COL5A2: variants seen among roughly 807,000 people sequenced by gnomAD.
COL5A2 encodes collagen type V alpha 2 chain.
Under a neutral mutation model 208.2 loss-of-function variants are expected in COL5A2, and 23 were observed. That is an observed-to-expected ratio of 0.11 (90% CI 0.08 to 0.16). The LOEUF is 0.16. COL5A2 is among the 10% of genes least tolerant of loss of function. The pLI is 1.00. For missense variants in COL5A2, 1,590 were observed against 1,956.4 expected (o/e 0.81, Z 3.53); for synonymous variants, 625 against 628.5 (o/e 0.99, Z 0.08).
At chr2:189,412,411 C>A in the COL5A2 span, among the ~76,000 whole-genome samples, 1 of 152,162 alleles carries the variant, frequency 6.6e-6, no homozygotes, top group Non-Finnish European at 1.5e-5. Context: ...AAGAAATACT[C>A]ATTCTATAAC....
chr2:189,377,952 G>A, the COL5A2 span, among the ~76,000 whole-genome samples: 133 of 152,258 alleles, frequency 8.7e-4, no homozygotes, highest in Non-Finnish European at 1.5e-3. Context: ...CAGCTGACCC[G>A]TTTTTAAGGG....
chr2:189,221,315 TA>T (rs1689345606), intron 1 of COL5A2, among the ~76,000 whole-genome samples: 1 of 152,216 alleles, frequency 6.6e-6, no homozygotes, highest in African/African-American at 2.4e-5. Flanking sequence ...GTCTAATGGT[TA>T]TCTTAAATAG....
the COL5A2 span, among the ~76,000 whole-genome samples, chr2:189,251,254 G>T: frequency 3.0e-4 from 46 of 152,264 alleles, no homozygotes; most frequent in African/African-American, 1.1e-3. Flanking sequence ...AGGAGAGAGT[G>T]CCAGTGTGTA....
At chr2:189,299,466 A>C in the COL5A2 span, among the ~76,000 whole-genome samples, 1 of 152,202 alleles carries the variant, frequency 6.6e-6, no homozygotes, top group South Asian at 2.1e-4. Flanking sequence ...AAGAAGAAGA[A>C]CTGCTGAGAT....
rs371620905 is a variant in COL5A2 at position 189,144,284 on chromosome 2, T to C, written c.98-33835A>G. On this transcript the variant is annotated intron_variant, in intron 1 of 53. Coordinates refer to ENST00000374866, the MANE Select transcript of COL5A2 (RefSeq NM_000393.5). ...TTGACACACAGTTTCAGTAAACAAG[T>C]ACATAGTTGGGTATTTGCTTAGTTT... is the stretch of plus-strand genomic sequence containing the variant. Among the ~76,000 whole-genome samples the C allele has an allele frequency of 7.2e-5, 11 of 152,288 alleles. No homozygotes were observed. The South Asian group carries it at 1.2e-3, about 17-fold the overall frequency.
rs945495064 is a variant in COL5A2, at chr2:189,122,527, A to G, written c.98-12078T>C. ...CTCTTCCACTAGGAAAGTTTTAACGACATGCCCACATGGAATTTGGTCATT... is the reference window on the plus strand; with the variant it reads ...CTCTTCCACTAGGAAAGTTTTAACGGCATGCCCACATGGAATTTGGTCATT... On this transcript the variant is annotated intron_variant, in intron 1 of 53. Transcript: ENST00000374866. Among the ~76,000 whole-genome samples, 6 of 152,340 alleles carry G rather than the reference A, an allele frequency of 3.9e-5. No individual in the cohort carries two copies. The East Asian group carries it at 1.2e-3, about 29-fold the overall frequency.
At chr2:189,144,844 G>C (rs888607690) in intron 1 of COL5A2, among the ~76,000 whole-genome samples, 3 of 152,140 alleles carry the variant, frequency 2.0e-5, no homozygotes, top group African/African-American at 7.2e-5. Context: ...AGTGGGAACA[G>C]ATGCTTCATA....
rs574210875 is a variant in COL5A2 at position 189,105,508 on chromosome 2, C to T, written c.323-1231G>A. Among the ~76,000 whole-genome samples the T allele has an allele frequency of 3.7e-4, 56 of 151,008 alleles. No homozygotes were observed. The South Asian group carries it at 0.011, about 30-fold the overall frequency. On this transcript the variant is annotated intron_variant, in intron 2 of 53. Coordinates refer to ENST00000374866, the MANE Select transcript of COL5A2 (RefSeq NM_000393.5). The stretch of plus-strand genomic sequence containing the variant: ...GAAAAATCATTTGTATTTCCTTGTT[C>T]GAATGATTAGCTAATTTCCCTTGCC...
chr2:189,151,067 T>G lies in COL5A2; in HGVS notation c.97+28441A>C, dbSNP rs994415349. On this transcript the variant is annotated intron_variant, in intron 1 of 53. Coordinates refer to ENST00000374866, the MANE Select transcript of COL5A2 (RefSeq NM_000393.5). ...GGATTACCTGGCAGCCAAAATTGGCTTATTATTCTTTCTACCATAAGGAGC... is the reference window on the plus strand; with the variant it reads ...GGATTACCTGGCAGCCAAAATTGGCGTATTATTCTTTCTACCATAAGGAGC... 8.5e-5 allele frequency among the ~76,000 whole-genome samples: 13 copies of G among 152,164 alleles called. 1 individual carries two copies. The highest frequency in any genetic ancestry group is 3.1e-4 in the African/African-American group (13 of 41,452).
chr2:189,174,932 A>C (rs944483837), intron 1 of COL5A2, among the ~76,000 whole-genome samples: 5 of 152,218 alleles, frequency 3.3e-5, no homozygotes, highest in African/African-American at 1.2e-4. Flanking sequence ...AAGCAAAGAA[A>C]ATGTAGCCTA....
the COL5A2 span, among the ~76,000 whole-genome samples, chr2:189,237,686 A>C: frequency 6.6e-6 from 1 of 151,926 alleles, no homozygotes; most frequent in Non-Finnish European, 1.5e-5. Context: ...CTATAGACCA[A>C]ACAAATTTGC....
intron 1 of COL5A2, among the ~76,000 whole-genome samples, chr2:189,155,704 T>C (rs1199636889): frequency 6.6e-6 from 1 of 152,164 alleles, no homozygotes; most frequent in African/African-American, 2.4e-5. Flanking sequence ...TTATTATCTT[T>C]TATTTCTCTG....
At chr2:189,288,149 G>GA in the COL5A2 span, among the ~76,000 whole-genome samples, 4 of 151,914 alleles carry the variant, frequency 2.6e-5, no homozygotes, top group Non-Finnish European at 4.4e-5. Flanking sequence ...GTCAAAGCCA[G>GA]AAAAAAAAGA....
At chr2:189,403,317 C>T in the COL5A2 span, among the ~76,000 whole-genome samples, 4 of 152,270 alleles carry the variant, frequency 2.6e-5, no homozygotes, top group Admixed American at 1.3e-4. Flanking sequence ...TGGGTTGAGA[C>T]GTGGGCTTTT....
chr2:189,110,588 T>C, intron 1 of COL5A2, 139 bp from the exon 2 acceptor site: 5 of 690,508 alleles, frequency 7.2e-6, no homozygotes, highest in South Asian at 4.9e-5. Context: ...GATGAACTGA[T>C]TTCATTTCAT....
chr2:189,355,779 T>C, the COL5A2 span, among the ~76,000 whole-genome samples: 11 of 152,200 alleles, frequency 7.2e-5, no homozygotes, highest in Non-Finnish European at 1.0e-4. Context: ...TATTTACATT[T>C]AAGGTTAATA....
intron 1 of COL5A2, among the ~76,000 whole-genome samples, chr2:189,124,234 A>G (rs1004213995): frequency 1.1e-4 from 16 of 152,114 alleles, no homozygotes; most frequent in African/African-American, 3.6e-4. Context: ...AATGGAGGAA[A>G]TTTCATTTCC....
At chr2:189,187,031 T>C (rs1688861864) in intron 1 of COL5A2, among the ~76,000 whole-genome samples, 1 of 152,198 alleles carries the variant, frequency 6.6e-6, no homozygotes, top group Admixed American at 6.5e-5. Context: ...TATTGTGCTG[T>C]CTCCTAAGGC....
intron 16 of COL5A2, among the ~76,000 whole-genome samples, chr2:189,076,706 G>T (rs1686412943): frequency 6.6e-6 from 1 of 152,150 alleles, no homozygotes. Flanking sequence ...AACCTAGAAA[G>T]TCTGTTATGT....
Sources: allele counts gnomAD v4.1 joint callset (sites outside exome capture counted in the v4.1 genomes callset), GRCh38; gene constraint gnomAD v4.1.1; transcripts MANE v1.5; gene names NCBI Gene and HGNC (gene_info 2026-07-23, HGNC 2026-07-21).